DCC: variants seen among roughly 807,000 people sequenced by gnomAD.
The protein encoded by DCC is DCC netrin 1 receptor.
DCC carries 58 observed loss-of-function variants against 172.5 expected under a neutral mutation model. That is an observed-to-expected ratio of 0.34 (90% CI 0.27 to 0.42). The LOEUF (loss-of-function observed/expected upper bound fraction) is 0.42, where lower values mean the gene tolerates loss of function less well. Ranked by LOEUF, DCC falls within the 10% of genes least tolerant of loss-of-function variation. The pLI is 1.00. For synonymous variants in DCC, 709 were observed against 644.5 expected, an observed-to-expected ratio of 1.10 and a Z score of -1.52; for missense variants, 1,740 against 1,791.0, an observed-to-expected ratio of 0.97 and a Z score of 0.51.
chr18:52,529,786 TC>T (rs1478492247), intron 1 of DCC, among the ~76,000 whole-genome samples: 1 of 152,218 alleles, frequency 6.6e-6, no homozygotes, highest in African/African-American at 2.4e-5. Context: ...CGAGCTGTCT[TC>T]TTATCCACCT....
chr18:53,091,839 CTATCTATCTATCAATCTATCTA>C (rs1489054733), intron 7 of DCC, among the ~76,000 whole-genome samples: 5 of 92,476 alleles, frequency 5.4e-5, no homozygotes, highest in Non-Finnish European at 8.8e-5. Flanking sequence ...ATCTATCTAT[CTATCTATCTATCAATCTATCTA>C]TATATATATA....
rs921684247 is a variant in DCC, at chr18:52,931,307, T to C, written c.985+5937T>C. Among the ~76,000 whole-genome samples, 11 of 152,170 alleles carry C rather than the reference T, an allele frequency of 7.2e-5. No homozygotes were observed. The South Asian group carries it at 1.2e-3, about 17-fold the overall frequency. On this transcript the variant is annotated intron_variant, in intron 5 of 28. Transcript: ENST00000442544. ...AAGAAAAGAACTTTATTATCAATGT[T>C]ATTTAAATTTACTTTTCATAATTTT...
chr18:52,730,262 T>C (rs1871195752), intron 1 of DCC, among the ~76,000 whole-genome samples: 1 of 152,114 alleles, frequency 6.6e-6, no homozygotes, highest in Non-Finnish European at 1.5e-5. Flanking sequence ...TACTGGGATC[T>C]AGTGAGTAAA....
At chr18:52,869,614 C>A (rs931409849) in intron 2 of DCC, among the ~76,000 whole-genome samples, 1 of 152,204 alleles carries the variant, frequency 6.6e-6, no homozygotes, top group African/African-American at 2.4e-5. Context: ...GTCCATGGCA[C>A]CCAGACTGCT....
intron 15 of DCC, among the ~76,000 whole-genome samples, chr18:53,361,210 A>AC (rs2057941753): frequency 6.6e-6 from 1 of 152,134 alleles, no homozygotes; most frequent in South Asian, 2.1e-4. Flanking sequence ...GCCTTCAGGG[A>AC]CCGTGCGGCC....
intron 2 of DCC, among the ~76,000 whole-genome samples, chr18:52,820,945 A>AG (rs1426598989): frequency 6.6e-6 from 1 of 152,112 alleles, no homozygotes; most frequent in African/African-American, 2.4e-5. Context: ...ACTCACCTGG[A>AG]GAAAAAAAAT....
rs191949821 is a variant in DCC, at chr18:52,787,367, A to G, written c.412+34993A>G. 3.2e-3 allele frequency among the ~76,000 whole-genome samples: 484 copies of G among 152,268 alleles called. 2 individuals carry two copies. The highest frequency in any genetic ancestry group is 0.011 in the African/African-American group (446 of 41,564). On this transcript the variant is annotated intron_variant, in intron 2 of 28. Transcript: ENST00000442544. ...GATAAACCACATTTTGAGAAGGAAC[A>G]AAGCAAGGTGACAATTGTCTGCAAA...
intron 1 of DCC, among the ~76,000 whole-genome samples, chr18:52,355,523 C>G (rs751288903): frequency 6.6e-6 from 1 of 152,190 alleles, no homozygotes; most frequent in Non-Finnish European, 1.5e-5. Flanking sequence ...AAACATTACA[C>G]TCAAGGATTA....
At chr18:52,436,732 C>A (rs1477127878) in intron 1 of DCC, among the ~76,000 whole-genome samples, 1 of 152,096 alleles carries the variant, frequency 6.6e-6, no homozygotes, top group Non-Finnish European at 1.5e-5. Context: ...CATGGCAAAA[C>A]CCCATCTCTA....
At chr18:52,580,319 G>A (rs1143767) in intron 1 of DCC, among the ~76,000 whole-genome samples, 36,970 of 152,092 alleles carry the variant, frequency 0.24, 4,604 homozygotes, top group African/African-American at 0.3. Context: ...GTGCAGTGGC[G>A]CGATCTCGGC....
chr18:53,067,352 C>G (rs1261990114), intron 7 of DCC, among the ~76,000 whole-genome samples: 2 of 151,842 alleles, frequency 1.3e-5, no homozygotes, highest in African/African-American at 4.8e-5. Flanking sequence ...AAGACTTTGT[C>G]TCTACTGAAA....
Position 52,340,626 on chromosome 18 carries a change from C to A in DCC, c.-162C>A, listed in dbSNP as rs375878664. ...AAAAAGGCTTCGAAGGCAGCAGAGG[C>A]GCAGGGGAGGTGGAGAAAGAGGTGG... is the stretch of plus-strand genomic sequence containing the variant. On this transcript the variant is annotated 5_prime_UTR_variant, in exon 1 of 29. Coordinates refer to ENST00000442544, the MANE Select transcript of DCC (RefSeq NM_005215.4). 6 of 738,582 alleles carry A rather than the reference C, an allele frequency of 8.1e-6. No homozygotes were observed. The highest frequency in any genetic ancestry group is 1.7e-5 in the African/African-American group (1 of 58,268). 45.8% of individuals were successfully genotyped at this position (738,582 alleles called of 1,614,324 possible).
At chr18:53,249,190 C>A (rs924382579) in intron 12 of DCC, among the ~76,000 whole-genome samples, 1 of 151,924 alleles carries the variant, frequency 6.6e-6, no homozygotes, top group African/African-American at 2.4e-5. Context: ...ACACAGTTTG[C>A]AGAGTTGGTT....
intron 1 of DCC, among the ~76,000 whole-genome samples, chr18:52,692,124 T>C (rs913377923): frequency 1.3e-5 from 2 of 152,152 alleles, no homozygotes; most frequent in African/African-American, 4.8e-5. Context: ...ACCTCAGGGT[T>C]GGGAGGAGGG....
intron 12 of DCC, among the ~76,000 whole-genome samples, chr18:53,296,250 A>G (rs1290136935): frequency 6.6e-6 from 1 of 151,814 alleles, no homozygotes; most frequent in Non-Finnish European, 1.5e-5. Context: ...CACCCTCACA[A>G]TCTTTCAGTC....
At chr18:52,986,775 A>G (rs1409737074) in intron 5 of DCC, among the ~76,000 whole-genome samples, 1 of 148,932 alleles carries the variant, frequency 6.7e-6, no homozygotes, top group Non-Finnish European at 1.5e-5. Flanking sequence ...ATATATACAC[A>G]TACATATGCA....
chr18:52,686,105 T>A (rs2035829637), intron 1 of DCC, among the ~76,000 whole-genome samples: 1 of 152,114 alleles, frequency 6.6e-6, no homozygotes, highest in African/African-American at 2.4e-5. Flanking sequence ...ATTCCTCAAA[T>A]CTTAGGAATT....
At chr18:53,143,508 CAG>C (rs1179457226) in intron 7 of DCC, among the ~76,000 whole-genome samples, 2 of 152,132 alleles carry the variant, frequency 1.3e-5, no homozygotes, top group Non-Finnish European at 1.5e-5. Flanking sequence ...AGCTGGATGG[CAG>C]AGAGGGGTGA....
chr18:52,366,239 G>A (rs964069412), intron 1 of DCC, among the ~76,000 whole-genome samples: 4 of 152,166 alleles, frequency 2.6e-5, no homozygotes, highest in African/African-American at 9.7e-5. Context: ...CTTCAAGAAT[G>A]AAGCCACGGA....
Sources: allele counts gnomAD v4.1 joint callset (sites outside exome capture counted in the v4.1 genomes callset), GRCh38; gene constraint gnomAD v4.1.1; transcripts MANE v1.5; gene names NCBI Gene and HGNC (gene_info 2026-07-23, HGNC 2026-07-21).